Variants in MYO1A observed in about 807,000 individuals in gnomAD.
MYO1A encodes unconventional myosin-Ia.
Under a neutral mutation model 138.5 loss-of-function variants are expected in MYO1A, and 127 were observed. The observed-to-expected ratio is 0.92, with a 90% CI of 0.79 to 1.06. The LOEUF is 1.06. Ranked by LOEUF, MYO1A falls within the 50% of genes least tolerant of loss-of-function variation. The pLI is 0.00. For missense variants in MYO1A, 1,211 were observed against 1,288.8 expected, an observed-to-expected ratio of 0.94 and a Z score of 0.92; for synonymous variants, 477 against 497.5, an observed-to-expected ratio of 0.96 and a Z score of 0.55.
At chr12:57,050,853 G>A (rs940850794), upstream of MYO1A, 5 of 152,162 alleles carry the variant, frequency 3.3e-5, no homozygotes, top group Non-Finnish European at 7.3e-5. Flanking sequence ...ACTCAGAGAG[G>A]TTACACAATG....
intron 14 of MYO1A, 49 bp from the exon 15 acceptor site, chr12:57,039,323 T>A (rs759827228): frequency 7.0e-7 from 1 of 1,421,688 alleles, no homozygotes; most frequent in Non-Finnish European, 1.0e-6. Flanking sequence ...AAGACAAGCC[T>A]CCAGAGACCT....
At chr12:57,047,262 G>T (rs181666248) in intron 5 of MYO1A, 41 bp downstream of exon 5, 2 of 1,591,632 alleles carry the variant, frequency 1.3e-6, no homozygotes, top group African/African-American at 1.3e-5. Context: ...GATTCTGGGG[G>T]TTAGATGGAG....
rs762903475 is a variant in MYO1A at position 57,029,254 on chromosome 12, T to C, written c.2883A>G (p.Ser961=). ...GGAAGTCCCCCTTGGAGCCCACCGA[T>C]GACATCTTAGGAAGAGGGAAAAATA... The part of the protein sequence containing the change: ...GLFSLHLSEM[S]SVGSKGDFLL... The change falls in exon 27 of 28, where the codon TCA becomes TCG. Residue 961 remains serine, a synonymous_variant. Transcript: ENST00000300119. 2 of 1,613,982 alleles carry C rather than the reference T, an allele frequency of 1.2e-6. No homozygotes were observed. The highest frequency in any genetic ancestry group is 8.5e-7 in the Non-Finnish European group (1 of 1,180,004).
At chr12:57,036,407 C>T (rs371569185) in intron 21 of MYO1A, 26 bp from the exon 22 acceptor site, 1 of 1,610,154 alleles carries the variant, frequency 6.2e-7, no homozygotes, top group Admixed American at 1.7e-5. Context: ...AAGAAAGGAG[C>T]CAAAGTGAAG....
intron 18 of MYO1A, 74 bp from the exon 19 acceptor site, chr12:57,037,715 C>T (rs2030630144): frequency 6.5e-7 from 1 of 1,528,712 alleles, no homozygotes; most frequent in Non-Finnish European, 9.1e-7. Context: ...TCCCCTAATC[C>T]TTTCAGCCTC....
chr12:57,041,628 T>C, intron 12 of MYO1A, 131 bp from the exon 13 acceptor site: 2 of 765,048 alleles, frequency 2.6e-6, no homozygotes, highest in South Asian at 2.8e-5. Flanking sequence ...TGGAAAGGAA[T>C]TGTTGTGATT....
At chr12:57,046,459 G>C (rs1395173901) in intron 8 of MYO1A, 93 bp downstream of exon 8, 1 of 941,228 alleles carries the variant, frequency 1.1e-6, no homozygotes, top group African/African-American at 1.6e-5. Context: ...GGCTGTAGGG[G>C]CCCAGAGGGA....
At chr12:57,036,886 C>T in intron 20 of MYO1A, 46 bp from the exon 21 acceptor site, 2 of 1,614,184 alleles carry the variant, frequency 1.2e-6, no homozygotes, top group Non-Finnish European at 1.7e-6. Context: ...CCTCCTGAGC[C>T]ACCTTCCATC....
chr12:57,047,113 G>C lies in MYO1A; in HGVS notation c.431-6C>G, dbSNP rs1699782456. 3 of 1,614,000 alleles carry C rather than the reference G, an allele frequency of 1.9e-6. No homozygotes were observed. The highest frequency in any genetic ancestry group is 2.7e-5 in the African/African-American group (2 of 74,930). On this transcript the variant is annotated splice_polypyrimidine_tract_variant and splice_region_variant and intron_variant, in intron 5 of 27. Coordinates refer to ENST00000300119, the MANE Select transcript of MYO1A (RefSeq NM_005379.4). Reference sequence around the variant, plus strand: ...GGTCTTGGCATTGCCAAAAGCTACAGAGATGAGGAGGGGAGAAGTGAAACT... The same window carrying C: ...GGTCTTGGCATTGCCAAAAGCTACACAGATGAGGAGGGGAGAAGTGAAACT...
chr12:57,047,733 G>T lies in MYO1A; in HGVS notation c.231-12C>A. ...TTGCCAATGCGTAGCTTGTGGGGAG[G>T]AAGTGGGCAATGACTATTGTGAAAC... is the stretch of plus-strand genomic sequence containing the variant. On this transcript the variant is annotated splice_polypyrimidine_tract_variant and intron_variant, in intron 3 of 27. Transcript: ENST00000300119. 1 of 1,614,118 alleles carries T rather than the reference G, an allele frequency of 6.2e-7. No homozygotes were observed. The highest frequency in any genetic ancestry group is 8.5e-7 in the Non-Finnish European group (1 of 1,180,026).
chr12:57,048,375 C>G, intron 1 of MYO1A, 32 bp from the exon 2 acceptor site: 1 of 1,338,360 alleles, frequency 7.5e-7, no homozygotes. Context: ...TGCTGATGTC[C>G]ACTCAGCTTT....
chr12:57,042,272 CATA>C (rs2030892287), intron 12 of MYO1A, among the ~76,000 whole-genome samples: 1 of 152,222 alleles, frequency 6.6e-6, no homozygotes, highest in South Asian at 2.1e-4. Context: ...TTTCACTCAG[CATA>C]ATGTTTTCCA....
At chr12:57,038,126 A>T (rs1472096847) in intron 17 of MYO1A, 57 bp from the exon 18 acceptor site, 1 of 1,579,720 alleles carries the variant, frequency 6.3e-7, no homozygotes, top group African/African-American at 1.3e-5. Flanking sequence ...TGCCAGTGTA[A>T]CCCATCATAT....
intron 22 of MYO1A, among the ~76,000 whole-genome samples, chr12:57,035,852 G>T (rs540088406): frequency 2.6e-5 from 4 of 152,200 alleles, no homozygotes; most frequent in Admixed American, 6.5e-5. Flanking sequence ...CTGACTTGCT[G>T]ACAATAGTTT....
intron 3 of MYO1A, 29 bp from the exon 4 acceptor site, chr12:57,047,750 T>C (rs756215024): frequency 2.5e-6 from 4 of 1,613,452 alleles, no homozygotes; most frequent in Admixed American, 3.3e-5. Context: ...GCAATGACTA[T>C]TGTGAAACCA....
chr12:57,047,849 C>T (rs1294747915), intron 3 of MYO1A, 128 bp from the exon 4 acceptor site: 1 of 1,561,596 alleles, frequency 6.4e-7, no homozygotes, highest in Admixed American at 1.9e-5. Flanking sequence ...TGTGACAGGC[C>T]TTGGAAGGGG....
At position 57,030,259 on chromosome 12, in the gene MYO1A, G is replaced by A. The variant is rs1300757748; in HGVS notation, c.2542C>T (p.Leu848Phe). ...CCCTTGAACAGTTCACTGGCACAGA[G>A]CTTTTCCCTCAGGATCTCTACCTGC... ...PKQVEILREK[L>F]CASELFKGKK... The change falls in exon 24 of 28, where the codon CTC (leucine) becomes TTC (phenylalanine). Residue 848 changes from leucine to phenylalanine, a missense_variant. Transcript: ENST00000300119. 1.1e-5 allele frequency: 18 copies of A among 1,614,224 alleles called. No individual in the cohort carries two copies. The highest frequency in any genetic ancestry group is 1.6e-4 in the Middle Eastern group (1 of 6,062).
In MYO1A at chr12:57,038,824, G is replaced by A. The variant is rs766192101; in HGVS notation, c.1518C>T (p.Cys506=). The change falls in exon 16 of 28, where the codon TGC becomes TGT. Residue 506 remains cysteine (C), a synonymous_variant. Coordinates refer to ENST00000300119, the MANE Select transcript of MYO1A (RefSeq NM_005379.4). Reference sequence around the variant, plus strand: ...GCCATTTCACCTTGCCCGCATAGTGGCAGATGCGGAAGCAGCTGAGGCCCA... The same window carrying A: ...GCCATTTCACCTTGCCCGCATAGTGACAGATGCGGAAGCAGCTGAGGCCCA... The part of the protein sequence containing the change: ...HTMGLSCFRI[C]HYAGKVTYNV... 1 of 1,614,142 alleles carries A rather than the reference G, an allele frequency of 6.2e-7. No individual in the cohort carries two copies. The highest frequency in any genetic ancestry group is 1.1e-5 in the South Asian group (1 of 91,078).
chr12:57,046,982 C>A, intron 6 of MYO1A, 56 bp from the exon 7 acceptor site: 2 of 1,610,590 alleles, frequency 1.2e-6, no homozygotes, highest in Non-Finnish European at 1.7e-6. Context: ...CACCACCCTG[C>A]CTGGAAGGGG....
Sources: gnomAD v4.1 joint callset for allele counts (sites outside exome capture counted in the v4.1 genomes callset) on GRCh38, gnomAD v4.1.1 for gene constraint, MANE v1.5 for transcripts, NCBI Gene and HGNC (gene_info 2026-07-23, HGNC 2026-07-21) for gene names.